SIPA1L2: variants seen among roughly 807,000 people sequenced by gnomAD.
The protein encoded by SIPA1L2 is signal induced proliferation associated 1 like 2, also known as signal-induced proliferation-associated 1-like protein 2.
In SIPA1L2, 56 loss-of-function variants were observed where a neutral mutation model predicts 163.9. That is an observed-to-expected ratio of 0.34 (90% CI 0.28 to 0.43). The LOEUF (loss-of-function observed/expected upper bound fraction) is 0.43, where lower values mean the gene tolerates loss of function less well. Among genes scored for constraint, SIPA1L2 ranks in the 20% least tolerant of loss-of-function variants. SIPA1L2 has a pLI of 1.00. For synonymous variants in SIPA1L2, 877 were observed against 865.7 expected, an observed-to-expected ratio of 1.01 and a Z score of -0.23; for missense variants, 1,974 against 2,193.5, an observed-to-expected ratio of 0.90 and a Z score of 2.00.
chr1:232,476,375 C>T (rs993531884), intron 7 of SIPA1L2, among the ~76,000 whole-genome samples: 8 of 152,136 alleles, frequency 5.3e-5, no homozygotes, highest in East Asian at 1.9e-4. Context: ...TAAAATGTTA[C>T]GCATACATTA....
chr1:232,443,257 CA>C, intron 12 of SIPA1L2, among the ~76,000 whole-genome samples: 1 of 152,300 alleles, frequency 6.6e-6, no homozygotes, highest in Admixed American at 6.5e-5. Flanking sequence ...AGACAGGAAG[CA>C]AAAAAGCCAA....
At chr1:232,547,060 T>C (rs1658072848) in intron 2 of SIPA1L2, among the ~76,000 whole-genome samples, 1 of 152,128 alleles carries the variant, frequency 6.6e-6, no homozygotes, top group Non-Finnish European at 1.5e-5. Flanking sequence ...CACAAGAAAC[T>C]AGTAATACAA....
At chr1:232,429,147 A>G (rs746825467) in intron 16 of SIPA1L2, among the ~76,000 whole-genome samples, 3 of 152,246 alleles carry the variant, frequency 2.0e-5, no homozygotes, top group Non-Finnish European at 2.9e-5. Flanking sequence ...AGGAGTGTCA[A>G]GCTGAATTAC....
chr1:232,436,892 C>T (rs1470162795), intron 15 of SIPA1L2, among the ~76,000 whole-genome samples: 1 of 152,178 alleles, frequency 6.6e-6, no homozygotes, highest in Non-Finnish European at 1.5e-5. Context: ...GCTTCAAAAG[C>T]CACCATCAAC....
intron 18 of SIPA1L2, among the ~76,000 whole-genome samples, chr1:232,419,462 A>C (rs1238443108): frequency 6.6e-6 from 1 of 152,158 alleles, no homozygotes; most frequent in African/African-American, 2.4e-5. Flanking sequence ...TGTTGAAGGT[A>C]GGGCCTCGTG....
intron 1 of SIPA1L2, among the ~76,000 whole-genome samples, chr1:232,604,080 A>G (rs1392341504): frequency 1.3e-5 from 2 of 152,098 alleles, no homozygotes; most frequent in African/African-American, 4.8e-5. Context: ...CATCAAGCAG[A>G]AGGATACAAC....
chr1:232,512,685 A>C (rs1667033510), intron 3 of SIPA1L2, among the ~76,000 whole-genome samples: 2 of 152,162 alleles, frequency 1.3e-5, no homozygotes, highest in Admixed American at 1.3e-4. Context: ...CAAACACCTA[A>C]TGCATTCAGG....
chr1:232,612,125 A>C (rs1470163500), intron 1 of SIPA1L2, among the ~76,000 whole-genome samples: 1 of 152,244 alleles, frequency 6.6e-6, no homozygotes, highest in Non-Finnish European at 1.5e-5. Context: ...TCACGAGTGC[A>C]CAGAAGTCAA....
chr1:232,627,820 C>T (rs1663163325), intron 1 of SIPA1L2, among the ~76,000 whole-genome samples: 1 of 152,218 alleles, frequency 6.6e-6, no homozygotes, highest in Admixed American at 6.5e-5. Flanking sequence ...TACACTGCTT[C>T]TTATCCAGGT....
chr1:232,514,680 A>T lies in SIPA1L2; in HGVS notation c.660T>A (p.Tyr220Ter), dbSNP rs765384777. The T allele has an allele frequency of 6.2e-7, 1 of 1,614,278 alleles. No individual in the cohort carries two copies. Among genetic ancestry groups the T allele is most frequent in the East Asian group, 2.2e-5 (1 of 44,886 alleles). ...CAAAAGGGACCATTGCTTTGTGGTCATAATTTTCTACTCGGTACCCTCTGA... is the reference window on the plus strand; with the variant it reads ...CAAAAGGGACCATTGCTTTGTGGTCTTAATTTTCTACTCGGTACCCTCTGA... ...AMLRGYRVEN[Y>*]DHKAMVPFGF... The change falls in exon 3 of 23, where the codon TAT (tyrosine) becomes TAA (stop). Residue 220 changes from tyrosine to a stop codon, truncating the protein, a stop_gained. Transcript: ENST00000674635. LOFTEE classifies it high-confidence loss of function.
intron 19 of SIPA1L2, among the ~76,000 whole-genome samples, chr1:232,409,927 A>G (rs900251530): frequency 2.6e-5 from 4 of 152,202 alleles, no homozygotes; most frequent in African/African-American, 9.6e-5. Flanking sequence ...ACACTTTGAA[A>G]TTATACTTAT....
intron 2 of SIPA1L2, among the ~76,000 whole-genome samples, chr1:232,527,725 C>CTTCTT (rs1262783383): frequency 1.2e-5 from 1 of 80,946 alleles, no homozygotes; most frequent in African/African-American, 5.2e-5. Flanking sequence ...TCTTCTTCTT[C>CTTCTT]TTTTTTTTTT....
intron 2 of SIPA1L2, among the ~76,000 whole-genome samples, chr1:232,516,644 T>TA (rs990577335): frequency 4.6e-5 from 7 of 151,820 alleles, no homozygotes; most frequent in African/African-American, 7.3e-5. Context: ...TTTTTTTTTT[T>TA]ATGGTAGGGA....
chr1:232,608,067 AAAC>A (rs1573168355), intron 1 of SIPA1L2, among the ~76,000 whole-genome samples: 1 of 149,470 alleles, frequency 6.7e-6, no homozygotes, highest in Non-Finnish European at 1.5e-5. Context: ...AAAAAAAAAA[AAAC>A]GAGTCTTACT....
chr1:232,464,790 C>G (rs754110661), intron 9 of SIPA1L2, 50 bp downstream of exon 9: 21 of 1,436,388 alleles, frequency 1.5e-5, no homozygotes, highest in Non-Finnish European at 1.8e-5. Flanking sequence ...TATTTTGAAT[C>G]TGGAATTGAA....
At chr1:232,463,978 A>G (rs1395994763) in intron 9 of SIPA1L2, among the ~76,000 whole-genome samples, 1 of 152,122 alleles carries the variant, frequency 6.6e-6, no homozygotes, top group Non-Finnish European at 1.5e-5. Context: ...GGTGGGAGGA[A>G]AGGGGGCAAG....
At position 232,471,661 on chromosome 1, in the gene SIPA1L2, A is replaced by G. The variant is rs994414645; in HGVS notation, c.2086-133T>C. ...TCATTCTTTGGAAGTCAGTGCTCCT[A>G]AATTTGGCATAGAAAAAGCAAAATG... On this transcript the variant is annotated intron_variant, in intron 7 of 22. Transcript: ENST00000674635. 129 of 830,862 alleles carry G rather than the reference A, an allele frequency of 1.6e-4. 2 individuals carry two copies. The East Asian group carries it at 4.0e-3, about 25-fold the overall frequency. The allele number at this position is 830,862 out of a possible 1,614,324, so 51.5% of individuals were successfully genotyped here.
intron 1 of SIPA1L2, among the ~76,000 whole-genome samples, chr1:232,577,289 T>A (rs1022123221): frequency 3.9e-5 from 6 of 152,154 alleles, no homozygotes; most frequent in African/African-American, 1.4e-4. Flanking sequence ...TAAGTCCACA[T>A]TGAAACCAAG....
intron 17 of SIPA1L2, 61 bp downstream of exon 17, chr1:232,428,350 C>CG: frequency 1.2e-6 from 1 of 837,804 alleles, no homozygotes; most frequent in Non-Finnish European, 1.6e-6. Flanking sequence ...TTTCTTTAGA[C>CG]TTTTTTTTTT....
Sources: allele counts gnomAD v4.1 joint callset (sites outside exome capture counted in the v4.1 genomes callset), GRCh38; gene constraint gnomAD v4.1.1; transcripts MANE v1.5; gene names NCBI Gene and HGNC (gene_info 2026-07-23, HGNC 2026-07-21).